MAGI3: variants seen among roughly 807,000 people sequenced by gnomAD.
MAGI3 encodes membrane associated guanylate kinase, WW and PDZ domain containing 3.
In MAGI3, 43 loss-of-function variants were observed where a neutral mutation model predicts 121.8. That is an observed-to-expected ratio of 0.35 (90% CI 0.28 to 0.46). The LOEUF is 0.46. MAGI3 is among the 20% of genes least tolerant of loss of function. MAGI3 has a pLI of 1.00. For synonymous variants in MAGI3, 553 were observed against 639.3 expected (o/e 0.86, Z 2.04); for missense variants, 1,547 against 1,797.3 (o/e 0.86, Z 2.52).
intron 1 of MAGI3, among the ~76,000 whole-genome samples, chr1:113,534,978 T>G (rs1658898947): frequency 6.6e-6 from 1 of 152,198 alleles, no homozygotes; most frequent in African/African-American, 2.4e-5. Context: ...GAGGAACCAG[T>G]TCTGTAAGTG....
chr1:113,562,173 A>C (rs1660266296), intron 2 of MAGI3, among the ~76,000 whole-genome samples: 1 of 152,244 alleles, frequency 6.6e-6, no homozygotes, highest in Non-Finnish European at 1.5e-5. Context: ...TGGGAGGCCA[A>C]GGCGGGCAGA....
At chr1:113,647,020 A>C (rs759684890) in intron 12 of MAGI3, among the ~76,000 whole-genome samples, 6 of 152,236 alleles carry the variant, frequency 3.9e-5, no homozygotes, top group Non-Finnish European at 8.8e-5. Flanking sequence ...GAAATGGATA[A>C]ATTGGGATCC....
chr1:113,543,818 A>G (rs958554987), intron 1 of MAGI3, among the ~76,000 whole-genome samples: 2 of 151,572 alleles, frequency 1.3e-5, no homozygotes, highest in Non-Finnish European at 2.9e-5. Flanking sequence ...CAGTGAGCCG[A>G]GATCGCACCT....
rs115270133 is a variant in MAGI3 at position 113,486,554 on chromosome 1, A to G, written c.317-62961A>G. On this transcript the variant is annotated intron_variant, in intron 1 of 20. Transcript: ENST00000307546. ...CAATATATTTTTGGGCATAAAAACT[A>G]TCTTTAAATGGTGTGAGGACTTACT... Among the ~76,000 whole-genome samples the G allele has an allele frequency of 2.1e-3, 315 of 152,024 alleles. 4 individuals carry two copies. Among genetic ancestry groups the G allele is most frequent in the African/African-American group, 7.4e-3 (306 of 41,434 alleles).
intron 1 of MAGI3, among the ~76,000 whole-genome samples, chr1:113,515,196 C>G (rs1657829602): frequency 6.6e-6 from 1 of 151,884 alleles, no homozygotes; most frequent in African/African-American, 2.4e-5. Context: ...CGGCAGCAAA[C>G]TTCCAAAGGC....
intron 1 of MAGI3, among the ~76,000 whole-genome samples, chr1:113,413,054 A>G (rs575590367): frequency 1.3e-5 from 2 of 152,258 alleles, no homozygotes; most frequent in South Asian, 2.1e-4. Context: ...TAATTTTTGT[A>G]TAAGGTGTAA....
chr1:113,544,627 C>T (rs1659447320), intron 1 of MAGI3, among the ~76,000 whole-genome samples: 1 of 152,098 alleles, frequency 6.6e-6, no homozygotes, highest in Non-Finnish European at 1.5e-5. Context: ...AGTGCTAAGA[C>T]TTTAAGAAAT....
At chr1:113,516,758 G>A (rs183913552) in intron 1 of MAGI3, among the ~76,000 whole-genome samples, 2 of 152,068 alleles carry the variant, frequency 1.3e-5, no homozygotes, top group Non-Finnish European at 2.9e-5. Flanking sequence ...ATAGGAGAGG[G>A]AAAAATAATG....
intron 1 of MAGI3, among the ~76,000 whole-genome samples, chr1:113,484,311 T>G (rs1036941671): frequency 2.0e-5 from 3 of 152,264 alleles, no homozygotes; most frequent in Admixed American, 2.0e-4. Context: ...ATGAATAAGT[T>G]CTTTAGTGGT....
At chr1:113,597,407 G>A (rs535141436) in intron 6 of MAGI3, among the ~76,000 whole-genome samples, 1 of 152,274 alleles carries the variant, frequency 6.6e-6, no homozygotes, top group Admixed American at 6.5e-5. Flanking sequence ...GTACAATTCA[G>A]TAAATTATTA....
intron 1 of MAGI3, among the ~76,000 whole-genome samples, chr1:113,416,025 A>G (rs1265308055): frequency 1.3e-5 from 2 of 149,728 alleles, no homozygotes; most frequent in Admixed American, 6.7e-5. Context: ...TTATGTAATT[A>G]ATGACACATA....
intron 1 of MAGI3, among the ~76,000 whole-genome samples, chr1:113,434,685 CTAAG>C (rs1472196445): frequency 1.3e-5 from 2 of 152,132 alleles, no homozygotes; most frequent in African/African-American, 2.4e-5. Flanking sequence ...AATTTATCTC[CTAAG>C]TAAGGTGTTT....
intron 1 of MAGI3, among the ~76,000 whole-genome samples, chr1:113,423,576 T>A (rs937409208): frequency 1.3e-5 from 2 of 152,092 alleles, no homozygotes; most frequent in African/African-American, 4.8e-5. Context: ...CTGCTGAGTC[T>A]GGGGGTTTTT....
chr1:113,561,504 A>G (rs938999500), intron 2 of MAGI3, among the ~76,000 whole-genome samples: 1 of 152,228 alleles, frequency 6.6e-6, no homozygotes, highest in African/African-American at 2.4e-5. Context: ...AATAGAACTA[A>G]AGACAAAAAC....
chr1:113,589,913 T>A (rs1648591301), intron 4 of MAGI3, among the ~76,000 whole-genome samples: 1 of 152,090 alleles, frequency 6.6e-6, no homozygotes, highest in Non-Finnish European at 1.5e-5. Context: ...GTGTAATTTT[T>A]AAAAATTACT....
chr1:113,467,274 T>A (rs553925505), intron 1 of MAGI3, among the ~76,000 whole-genome samples: 1 of 152,288 alleles, frequency 6.6e-6, no homozygotes, highest in South Asian at 2.1e-4. Context: ...TTGTTATTGA[T>A]TTTTAGTTTT....
intron 4 of MAGI3, among the ~76,000 whole-genome samples, chr1:113,589,107 TG>T (rs1351700704): frequency 6.6e-6 from 1 of 152,000 alleles, no homozygotes; most frequent in Non-Finnish European, 1.5e-5. Context: ...GTGGAGTCAA[TG>T]GGCACAGTTT....
chr1:113,620,209 T>C (rs1202638862), intron 8 of MAGI3, among the ~76,000 whole-genome samples: 3 of 152,198 alleles, frequency 2.0e-5, no homozygotes, highest in Non-Finnish European at 4.4e-5. Context: ...CTGAGGATTC[T>C]TCATTAACCA....
intron 16 of MAGI3, among the ~76,000 whole-genome samples, chr1:113,662,234 TA>T (rs1653818277): frequency 6.6e-6 from 1 of 152,176 alleles, no homozygotes; most frequent in Non-Finnish European, 1.5e-5. Context: ...TGCTGTTTAA[TA>T]TTTGTGCCTA....
Sources: allele counts gnomAD v4.1 joint callset (sites outside exome capture counted in the v4.1 genomes callset), GRCh38; gene constraint gnomAD v4.1.1; transcripts MANE v1.5; gene names NCBI Gene and HGNC (gene_info 2026-07-23, HGNC 2026-07-21).